The following ZDHHC1 variants were observed in gnomAD, a reference collection of about 807,000 sequenced individuals.
ZDHHC1 encodes the protein palmitoyltransferase ZDHHC1.
Under a neutral mutation model 46.9 loss-of-function variants are expected in ZDHHC1, and 45 were observed. The ratio of observed to expected loss-of-function variants is 0.96; its 90% CI spans 0.76 to 1.23. ZDHHC1 has a LOEUF of 1.23. Ranked by LOEUF, ZDHHC1 falls within the 50% of genes most tolerant of loss-of-function variation. The probability of loss-of-function intolerance (pLI) is 0.00; values close to 1 mark genes in which losing one functional copy is unlikely to be tolerated. For synonymous variants in ZDHHC1, 291 were observed against 286.0 expected, an observed-to-expected ratio of 1.02 and a Z score of -0.18; for missense variants, 649 against 670.8, an observed-to-expected ratio of 0.97 and a Z score of 0.36.
rs1002784547 is a variant in ZDHHC1 at position 67,396,689 on chromosome 16, C to T, written c.928-1123G>A. On this transcript the variant is annotated intron_variant, in intron 8 of 11. Transcript: ENST00000565726. ...GGGGTGTGGGGGCGCCAGCCTGGGC[C>T]GAGGAGCGCGGGGTCAGGGGTCAGA... 2.6e-5 allele frequency among the ~76,000 whole-genome samples: 4 copies of T among 152,246 alleles called. No individual in the cohort carries two copies. In the East Asian group the frequency reaches 7.7e-4, roughly 29 times the overall value.
intron 4 of ZDHHC1, 22 bp downstream of exon 4, chr16:67,400,935 A>G: frequency 6.2e-7 from 1 of 1,610,322 alleles, no homozygotes; most frequent in Non-Finnish European, 8.5e-7. Flanking sequence ...CTCGGCAGCC[A>G]CAAGCACCCA....
Position 67,395,246 on chromosome 16 carries a change from C to A in ZDHHC1, c.1045G>T (p.Glu349Ter). Reference protein sequence around the residue: ...SQFLATRGQAEPPPPSSPDTL... With the variant: ...SQFLATRGQA Reference sequence around the variant, plus strand: ...TCTGGGGAAGAGGGTGGTGGAGGTTCCGCTTGGCCACGGGTGGCAAGAAAC... The same window carrying A: ...TCTGGGGAAGAGGGTGGTGGAGGTTACGCTTGGCCACGGGTGGCAAGAAAC... The change falls in exon 10 of 12, where the codon GAA (glutamate) becomes TAA (stop). Residue 349 changes from glutamate (E) to a stop codon, truncating the protein, a stop_gained. Transcript: ENST00000565726. LOFTEE classifies it high-confidence loss of function. 1 of 1,591,044 alleles carries A rather than the reference C, an allele frequency of 6.3e-7. No homozygotes were observed. The highest frequency in any genetic ancestry group is 8.6e-7 in the Non-Finnish European group (1 of 1,168,182).
chr16:67,395,981 C>CAG, intron 8 of ZDHHC1: 1 of 192,652 alleles, frequency 5.2e-6, no homozygotes, highest in Non-Finnish European at 1.1e-5. Flanking sequence ...CCAGCTCCCG[C>CAG]AGAGCTGAGT....
rs375208273 is a variant in ZDHHC1, at chr16:67,401,075, C to T, written c.310G>A (p.Asp104Asn). ...TCCCGCACGTTGGCATCTGCTGGAT[C>T]GATGGAGACGGCGGTCAGGTGCACC... Reference protein sequence around the residue: ...LVVHLTAVSIDPADANVRDKS... With the variant: ...LVVHLTAVSINPADANVRDKS... Residue 104 changes from aspartate to asparagine, a missense_variant, in exon 4 of 12, where the codon GAT (aspartate) becomes AAT (asparagine). Asp to Asn is a conservative substitution (Grantham distance 23). Transcript: ENST00000565726. This position sits in a 1 kb window ranked among gnomAD's most constrained non-coding sequence, Gnocchi z 4.6. The T allele has an allele frequency of 1.2e-4, 189 of 1,613,988 alleles. No individual in the cohort carries two copies. The highest frequency in any genetic ancestry group is 1.5e-4 in the Non-Finnish European group (180 of 1,180,032).
Position 67,399,416 on chromosome 16 carries a change from C to T in ZDHHC1, c.469G>A (p.Val157Met), listed in dbSNP as rs1278441021. 2 of 1,613,372 alleles carry T rather than the reference C, an allele frequency of 1.2e-6. No homozygotes were observed. The highest frequency in any genetic ancestry group is 1.1e-5 in the South Asian group (1 of 91,080). Reference protein sequence around the residue: ...SKHCSACNKCVCGFDHHCKWL... With the variant: ...SKHCSACNKCMCGFDHHCKWL... Reference sequence around the variant, plus strand: ...TTGCAGTGGTGGTCGAAACCGCACACGCACTTGTTGCAGGCGCTGCAGTGC... The same window carrying T: ...TTGCAGTGGTGGTCGAAACCGCACATGCACTTGTTGCAGGCGCTGCAGTGC... Residue 157 changes from valine to methionine, a missense_variant, in exon 5 of 12, where the codon GTG becomes ATG. Coordinates refer to ENST00000565726, the MANE Select transcript of ZDHHC1 (RefSeq NM_001323627.2).
chr16:67,400,195 G>A (rs1177934766), intron 4 of ZDHHC1, among the ~76,000 whole-genome samples: 1 of 152,236 alleles, frequency 6.6e-6, no homozygotes, highest in South Asian at 2.1e-4. Flanking sequence ...GGCGCCTTAA[G>A]GCTAGGGGCT....
At position 67,401,149 on chromosome 16, in the gene ZDHHC1, A is replaced by C. The variant is rs973095148; in HGVS notation, c.253-17T>G. Reference sequence around the variant, plus strand: ...GCCCATGCACTGGCCCAGCAGGTTAAAGACTCACTCCACTCTGCCGGCTGG... The same window carrying C: ...GCCCATGCACTGGCCCAGCAGGTTACAGACTCACTCCACTCTGCCGGCTGG... On this transcript the variant is annotated splice_polypyrimidine_tract_variant and intron_variant, in intron 3 of 11. Transcript: ENST00000565726. The surrounding 1 kb of genome is among the most constrained non-coding windows in gnomAD (Gnocchi z 4.6). 8.7e-6 allele frequency: 14 copies of C among 1,612,390 alleles called. No homozygotes were observed. The highest frequency in any genetic ancestry group is 1.2e-5 in the Non-Finnish European group (14 of 1,179,568).
Position 67,406,460 on chromosome 16 carries a change from G to C in ZDHHC1, c.10-18C>G, listed in dbSNP as rs1336995105. The C allele has an allele frequency of 6.7e-7, 1 of 1,494,862 alleles. No individual in the cohort carries two copies. Among genetic ancestry groups the C allele is most frequent in the Non-Finnish European group, 8.9e-7 (1 of 1,119,854 alleles). 92.6% of individuals were successfully genotyped at this position (1,494,862 alleles called of 1,614,324 possible). A position where few individuals can be genotyped will look rare whatever the true frequency, so the allele number is the denominator to read the frequency against. On this transcript the variant is annotated intron_variant, in intron 2 of 11. Transcript: ENST00000565726. The surrounding 1 kb of genome is among the most constrained non-coding windows in gnomAD (Gnocchi z 4.1). ...ATGTTCATCTCCAGAGGGAGAAACA[G>C]TAGAGAGAGCATTAGCCCAAGAAGC...
chr16:67,399,012 G>A (rs1047231071), intron 5 of ZDHHC1, 68 bp from the exon 6 acceptor site: 9 of 1,567,458 alleles, frequency 5.7e-6, no homozygotes, highest in Non-Finnish European at 7.8e-6. Flanking sequence ...TAGGAGTTGG[G>A]GCTGTAGGGT....
At position 67,400,042 on chromosome 16, in the gene ZDHHC1, C is replaced by G. The variant is rs190865142; in HGVS notation, c.429-586G>C. On this transcript the variant is annotated intron_variant, in intron 4 of 11. Transcript: ENST00000565726. ...GGGGAAGTCTCCCAGCCCAGGGAGG[C>G]ACCGGGGAAGGCCCAAAGGCACAAC... 7.9e-4 allele frequency among the ~76,000 whole-genome samples: 120 copies of G among 152,358 alleles called. 1 individual carries two copies. The highest frequency in any genetic ancestry group is 3.4e-3 in the Middle Eastern group (1 of 294).
intron 3 of ZDHHC1, among the ~76,000 whole-genome samples, chr16:67,403,577 C>A (rs1365478646): frequency 6.6e-6 from 1 of 151,840 alleles, no homozygotes; most frequent in South Asian, 2.1e-4. Context: ...GAATGCGGAG[C>A]CTTGACGCCA....
At position 67,395,067 on chromosome 16, in the gene ZDHHC1, A is replaced by G. The variant is rs1438037791; in HGVS notation, c.1105-5T>C. The G allele has an allele frequency of 6.2e-7, 1 of 1,613,204 alleles. No individual in the cohort carries two copies. The highest frequency in any genetic ancestry group is 1.3e-5 in the African/African-American group (1 of 74,938). ...CACGCGCCTCTTCCTCTTTTTCTGC[A>G]GAGACACGGGGGAGCCTGAGGGCCC... On this transcript the variant is annotated splice_region_variant and splice_polypyrimidine_tract_variant and intron_variant, in intron 10 of 11. Coordinates refer to ENST00000565726, the MANE Select transcript of ZDHHC1 (RefSeq NM_001323627.2).
intron 8 of ZDHHC1, 63 bp from the exon 9 acceptor site, chr16:67,395,629 C>CT: frequency 6.7e-7 from 1 of 1,491,170 alleles, no homozygotes. Flanking sequence ...CTGCTGAGCC[C>CT]TAAGCCCACG....
chr16:67,415,702 A>C (rs2040823703), intron 1 of ZDHHC1, among the ~76,000 whole-genome samples: 1 of 151,706 alleles, frequency 6.6e-6, no homozygotes, highest in South Asian at 2.1e-4. Flanking sequence ...GGTTGCAATG[A>C]CCCGAGTCGT....
chr16:67,407,706 T>G, intron 2 of ZDHHC1, 61 bp downstream of exon 2: 1 of 779,952 alleles, frequency 1.3e-6, no homozygotes, highest in East Asian at 2.4e-5. Context: ...GCAAATGTGC[T>G]GGGTGGGGTT....
chr16:67,408,417 C>T (rs1252949065), intron 1 of ZDHHC1, among the ~76,000 whole-genome samples: 2 of 150,880 alleles, frequency 1.3e-5, no homozygotes, highest in Admixed American at 1.3e-4. Flanking sequence ...TCAAGAGATC[C>T]GCCAGCCTTG....
Position 67,400,321 on chromosome 16 carries a change from G to A in ZDHHC1, c.428+636C>T, listed in dbSNP as rs548909482. ...CTGGAGACTGGGGGGCTCCAGAAGG[G>A]TGGAGAGGGGCCCCTAGAGAGGTAG... On this transcript the variant is annotated intron_variant, in intron 4 of 11. Transcript: ENST00000565726. Among the ~76,000 whole-genome samples the A allele has an allele frequency of 2.6e-5, 4 of 152,306 alleles. No homozygotes were observed. The South Asian group carries it at 8.3e-4, about 32-fold the overall frequency.
chr16:67,411,984 G>A (rs965419908), intron 1 of ZDHHC1, among the ~76,000 whole-genome samples: 8 of 151,820 alleles, frequency 5.3e-5, no homozygotes, highest in African/African-American at 1.5e-4. Context: ...GTGGTGGTGC[G>A]GGCCTGTAGA....
chr16:67,398,007 T>A (rs1433391298), intron 8 of ZDHHC1, among the ~76,000 whole-genome samples: 4 of 152,164 alleles, frequency 2.6e-5, no homozygotes, highest in African/African-American at 9.7e-5. Context: ...GGCAGGTGTG[T>A]ACGTGGGGTC....
Sources: allele counts gnomAD v4.1 joint callset (sites outside exome capture counted in the v4.1 genomes callset), GRCh38; gene constraint gnomAD v4.1.1; non-coding constraint Gnocchi (gnomAD v3.1); transcripts MANE v1.5; gene names NCBI Gene and HGNC (gene_info 2026-07-23, HGNC 2026-07-21).